ST8SIA6: variants seen among roughly 807,000 people sequenced by gnomAD.
ST8SIA6 encodes the protein alpha-2,8-sialyltransferase 8F.
ST8SIA6 carries 39 observed loss-of-function variants against 33.6 expected under a neutral mutation model. That is an observed-to-expected ratio of 1.16 (90% CI 0.90 to 1.52). The LOEUF is 1.52. ST8SIA6 is among the 40% of genes most tolerant of loss of function. ST8SIA6 has a pLI of 0.00. For missense variants in ST8SIA6, 441 were observed against 443.8 expected (o/e 0.99, Z 0.06); for synonymous variants, 172 against 167.2 (o/e 1.03, Z -0.22).
intron 4 of ST8SIA6, among the ~76,000 whole-genome samples, chr10:17,357,738 C>T (rs770614785): frequency 6.6e-6 from 1 of 152,132 alleles, no homozygotes; most frequent in Non-Finnish European, 1.5e-5. Context: ...TCTCAAGAGG[C>T]TTGGTCTGAA....
At chr10:17,357,410 A>C (rs903656411) in intron 4 of ST8SIA6, among the ~76,000 whole-genome samples, 3 of 151,574 alleles carry the variant, frequency 2.0e-5, no homozygotes, top group South Asian at 2.1e-4. Flanking sequence ...TGCTGGGATT[A>C]CAGGCGTGAG....
intron 3 of ST8SIA6, among the ~76,000 whole-genome samples, chr10:17,383,576 C>A (rs1588867774): frequency 6.6e-6 from 1 of 152,210 alleles, no homozygotes; most frequent in African/African-American, 2.4e-5. Flanking sequence ...CTTAAAACTT[C>A]TTTTTCATCC....
intron 3 of ST8SIA6, among the ~76,000 whole-genome samples, chr10:17,382,359 A>C (rs1185613284): frequency 6.6e-6 from 1 of 152,122 alleles, no homozygotes; most frequent in Non-Finnish European, 1.5e-5. Context: ...TCCTCCTCCC[A>C]GGTTCAAGCA....
chr10:17,325,449 A>T (rs1848101755), intron 6 of ST8SIA6, among the ~76,000 whole-genome samples: 1 of 77,466 alleles, frequency 1.3e-5, no homozygotes, highest in Non-Finnish European at 2.9e-5. Context: ...GTGATTATAT[A>T]TTTTACTACT....
At chr10:17,391,427 A>AT (rs1274136275) in intron 2 of ST8SIA6, among the ~76,000 whole-genome samples, 4 of 151,246 alleles carry the variant, frequency 2.6e-5, no homozygotes, top group Non-Finnish European at 5.9e-5. Context: ...TGCCCGGCTA[A>AT]TTTTTTGTAT....
chr10:17,348,676 C>T (rs189105788), intron 4 of ST8SIA6, among the ~76,000 whole-genome samples: 1 of 152,188 alleles, frequency 6.6e-6, no homozygotes, highest in Non-Finnish European at 1.5e-5. Flanking sequence ...ACGGCTCCCA[C>T]GGTTCGCTGT....
intron 2 of ST8SIA6, among the ~76,000 whole-genome samples, chr10:17,420,328 C>T (rs1328305558): frequency 1.3e-5 from 2 of 152,178 alleles, no homozygotes; most frequent in African/African-American, 2.4e-5. Context: ...AGGAGAATGG[C>T]GTGAACCCGA....
In ST8SIA6 at chr10:17,333,684, T is replaced by TATAG. The variant is rs1564404742; in HGVS notation, c.378-2133_378-2132insCTAT. Among the ~76,000 whole-genome samples, 142 of 16,190 alleles carry TATAG rather than the reference T, an allele frequency of 8.8e-3. 12 individuals are homozygous for TATAG. The highest frequency in any genetic ancestry group is 0.022 in the African/African-American group (71 of 3,302). 10.6% of individuals were successfully genotyped at this position (16,190 alleles called of 152,430 possible). The stretch of plus-strand genomic sequence containing the variant: ...TAAATGGTGCTGGGATATATATATA[T>TATAG]ATATATATATATATATATATATATA... On this transcript the variant is annotated intron_variant, in intron 4 of 7. Coordinates refer to ENST00000377602, the MANE Select transcript of ST8SIA6 (RefSeq NM_001004470.3).
intron 2 of ST8SIA6, among the ~76,000 whole-genome samples, chr10:17,413,146 G>A (rs1342912002): frequency 1.3e-5 from 2 of 152,040 alleles, no homozygotes; most frequent in African/African-American, 4.8e-5. Flanking sequence ...AAGATTGAAT[G>A]CATTTTTTAA....
chr10:17,397,837 T>C (rs1252153913), intron 2 of ST8SIA6, among the ~76,000 whole-genome samples: 1 of 152,094 alleles, frequency 6.6e-6, no homozygotes, highest in Non-Finnish European at 1.5e-5. Flanking sequence ...TTTAAAAAGG[T>C]TGGAAAAAAA....
At chr10:17,453,695 C>G in intron 1 of ST8SIA6, 38 bp from the exon 2 acceptor site, 2 of 1,261,248 alleles carry the variant, frequency 1.6e-6, no homozygotes, top group Non-Finnish European at 2.0e-6. Context: ...TGCTACACCC[C>G]GCCGGGAGCT....
At position 17,331,561 on chromosome 10, in the gene ST8SIA6, GA is replaced by G; in HGVS notation, c.378-10del. The G allele has an allele frequency of 6.3e-7, 1 of 1,591,882 alleles. No homozygotes were observed. Among genetic ancestry groups the G allele is most frequent in the Admixed American group, 1.8e-5 (1 of 54,236 alleles). ...AGGAAGCAAGTTTGGCTCTGCAAAG[GA>G]AAAGGATGAAAAGGAAGCCAAAGTA... On this transcript the variant is annotated splice_polypyrimidine_tract_variant and intron_variant, in intron 4 of 7. Transcript: ENST00000377602.
At chr10:17,401,221 A>G (rs1851026869) in intron 2 of ST8SIA6, among the ~76,000 whole-genome samples, 2 of 152,134 alleles carry the variant, frequency 1.3e-5, no homozygotes, top group Non-Finnish European at 2.9e-5. Flanking sequence ...TCCAACTTAC[A>G]AGGGATGTGA....
intron 2 of ST8SIA6, among the ~76,000 whole-genome samples, chr10:17,451,710 A>G (rs1852917309): frequency 6.6e-6 from 1 of 152,196 alleles, no homozygotes; most frequent in African/African-American, 2.4e-5. Flanking sequence ...CCAGCTCCAG[A>G]AAAATGAAGA....
intron 4 of ST8SIA6, among the ~76,000 whole-genome samples, chr10:17,355,798 C>A (rs980195582): frequency 1.2e-4 from 18 of 152,182 alleles, no homozygotes; most frequent in African/African-American, 4.1e-4. Context: ...TGCATCAGAT[C>A]CTTCCTTGTC....
intron 2 of ST8SIA6, among the ~76,000 whole-genome samples, chr10:17,450,446 C>CT (rs952939538): frequency 1.3e-5 from 2 of 152,028 alleles, no homozygotes; most frequent in Non-Finnish European, 2.9e-5. Flanking sequence ...TCATCTTTTT[C>CT]TTTTTTTCTT....
Position 17,321,141 on chromosome 10 carries a change from T to G in ST8SIA6, c.934A>C (p.Arg312=). The G allele has an allele frequency of 6.2e-7, 1 of 1,614,110 alleles. No individual in the cohort carries two copies. The highest frequency in any genetic ancestry group is 8.5e-7 in the Non-Finnish European group (1 of 1,179,990). The change falls in exon 8 of 8, where the codon AGA becomes CGA. Residue 312 remains arginine, a synonymous_variant. Transcript: ENST00000377602. The part of the protein sequence containing the change: ...KYLKDLALFW[R]TKGVTAYRLS... ...CGGTATGCAGTCACACCTTTAGTTC[T>G]CCAGAAAAGGGCCAGATCTTTCAGG...
At chr10:17,322,828 A>G (rs1848000924) in intron 7 of ST8SIA6, among the ~76,000 whole-genome samples, 1 of 152,208 alleles carries the variant, frequency 6.6e-6, no homozygotes, top group Non-Finnish European at 1.5e-5. Flanking sequence ...AAAGAAATAA[A>G]TATGTTCTCA....
At chr10:17,407,832 C>T (rs1564450149) in intron 2 of ST8SIA6, 1 of 152,234 alleles carries the variant, frequency 6.6e-6, no homozygotes, top group Non-Finnish European at 1.5e-5. Flanking sequence ...TAGAGCAAGA[C>T]TTCACACACA....
Sources: gnomAD v4.1 joint callset for allele counts (sites outside exome capture counted in the v4.1 genomes callset) on GRCh38, gnomAD v4.1.1 for gene constraint, MANE v1.5 for transcripts, NCBI Gene and HGNC (gene_info 2026-07-23, HGNC 2026-07-21) for gene names.